The following MOB4 variants were observed in gnomAD, a reference collection of about 807,000 sequenced individuals.
MOB4 encodes MOB family member 4, phocein.
In MOB4, 4 loss-of-function variants were observed where a neutral mutation model predicts 32.2. That is an observed-to-expected ratio of 0.12 (90% CI 0.06 to 0.28). The LOEUF is 0.28. Ranked by LOEUF, MOB4 falls within the 10% of genes least tolerant of loss-of-function variation. The pLI, the probability that MOB4 is intolerant of heterozygous loss-of-function variation, is 1.00. For synonymous variants in MOB4, 88 were observed against 88.1 expected (o/e 1.00, Z 0.01); for missense variants, 158 against 271.2 (o/e 0.58, Z 2.93).
intron 1 of MOB4, among the ~76,000 whole-genome samples, chr2:197,519,877 C>G (rs1281277595): frequency 7.9e-5 from 12 of 152,094 alleles, no homozygotes; most frequent in African/African-American, 2.9e-4. Context: ...TAGAATTGCT[C>G]TTTAATAGAT....
intron 1 of MOB4, among the ~76,000 whole-genome samples, chr2:197,517,165 A>G (rs2086429674): frequency 6.6e-6 from 1 of 152,230 alleles, no homozygotes; most frequent in Non-Finnish European, 1.5e-5. Flanking sequence ...CCCCAGATTC[A>G]TGTTACAGAT....
At chr2:197,521,877 T>C (rs1291392468) in intron 1 of MOB4, among the ~76,000 whole-genome samples, 1 of 152,192 alleles carries the variant, frequency 6.6e-6, no homozygotes, top group East Asian at 1.9e-4. Flanking sequence ...CTCTACAGTT[T>C]GTGCAGTTAA....
At chr2:197,549,859 TAAAAAAA>T (rs573507195) in intron 6 of MOB4, among the ~76,000 whole-genome samples, 3 of 85,080 alleles carry the variant, frequency 3.5e-5, no homozygotes, top group Non-Finnish European at 4.9e-5. Context: ...CCTTAATTTC[TAAAAAAA>T]AAAAAAAAAA....
Position 197,551,925 on chromosome 2 carries a change from G to A in MOB4, c.*1279G>A, listed in dbSNP as rs2087104916. 1 of 152,326 alleles carries A rather than the reference G, an allele frequency of 6.6e-6. No homozygotes were observed. The highest frequency in any genetic ancestry group is 3.2e-3 in the Middle Eastern group (1 of 316). 9.4% of individuals were successfully genotyped at this position (152,326 alleles called of 1,614,324 possible). A position where few individuals can be genotyped will look rare whatever the true frequency, so the allele number is the denominator to read the frequency against. On this transcript the variant is annotated 3_prime_UTR_variant, in exon 8 of 8. Coordinates refer to ENST00000323303, the MANE Select transcript of MOB4 (RefSeq NM_015387.5). ...CAGTAAGGGTGAAAACATTGTACAT[G>A]TTGTGAAGAAAGTATTTAAATCCAA... is the stretch of plus-strand genomic sequence containing the variant.
intron 2 of MOB4, among the ~76,000 whole-genome samples, chr2:197,528,760 C>T (rs1259061730): frequency 1.2e-4 from 18 of 151,036 alleles, no homozygotes; most frequent in Non-Finnish European, 2.4e-4. Flanking sequence ...GGACTACAGG[C>T]GCCCGCCATC....
At chr2:197,519,876 T>C (rs1035055241) in intron 1 of MOB4, among the ~76,000 whole-genome samples, 3 of 152,242 alleles carry the variant, frequency 2.0e-5, no homozygotes, top group African/African-American at 7.2e-5. Flanking sequence ...TTAGAATTGC[T>C]CTTTAATAGA....
chr2:197,550,138 A>T, intron 6 of MOB4, 137 bp from the exon 7 acceptor site: 1 of 666,272 alleles, frequency 1.5e-6, no homozygotes, highest in Non-Finnish European at 2.3e-6. Flanking sequence ...CCAGGCATTT[A>T]CTCGCAGTGT....
At chr2:197,534,158 GA>G (rs1479904091) in intron 2 of MOB4, among the ~76,000 whole-genome samples, 1 of 151,760 alleles carries the variant, frequency 6.6e-6, no homozygotes, top group African/African-American at 2.4e-5. Context: ...CTTTTGTTTG[GA>G]AAAAAAAGTT....
At chr2:197,535,661 C>T in intron 3 of MOB4, 31 bp downstream of exon 3, 2 of 1,579,806 alleles carry the variant, frequency 1.3e-6, no homozygotes, top group African/African-American at 1.4e-5. Context: ...ACTAATAGTA[C>T]CTCTCACAAA....
intron 5 of MOB4, among the ~76,000 whole-genome samples, chr2:197,544,668 A>G (rs11678929): frequency 0.67 from 100,846 of 151,464 alleles, 33,870 homozygotes; most frequent in Middle Eastern, 0.85. Context: ...CAGGAGAATG[A>G]CGTGAACCCT....
At chr2:197,543,858 C>T (rs559036060) in intron 5 of MOB4, among the ~76,000 whole-genome samples, 1 of 152,100 alleles carries the variant, frequency 6.6e-6, no homozygotes, top group South Asian at 2.1e-4. Flanking sequence ...CCTGTCTCAG[C>T]TTCCCAAGTG....
chr2:197,548,752 T>C (rs2087042422), intron 6 of MOB4, among the ~76,000 whole-genome samples: 1 of 152,162 alleles, frequency 6.6e-6, no homozygotes. Flanking sequence ...AGGACTGTGG[T>C]TAAACAGCAG....
At chr2:197,516,228 G>T in intron 1 of MOB4, 82 bp downstream of exon 1, 2 of 1,529,496 alleles carry the variant, frequency 1.3e-6, no homozygotes, top group African/African-American at 2.8e-5. Context: ...CTGCGGGGAG[G>T]TTGGGCCGAG....
chr2:197,535,554 G>C lies in MOB4; in HGVS notation c.148G>C (p.Asp50His). 6.2e-7 allele frequency: 1 copy of C among 1,611,170 alleles called. No homozygotes were observed. The highest frequency in any genetic ancestry group is 8.5e-7 in the Non-Finnish European group (1 of 1,179,454). ...GTATATTCAACAGAACATAAGAGCA[G>C]ATTGCTCCAATATTGACAAAATTCT... is the stretch of plus-strand genomic sequence containing the variant. ...QQYIQQNIRA[D>H]CSNIDKILEP... The change falls in exon 3 of 8, where the codon GAT (aspartate) becomes CAT (histidine). Residue 50 changes from aspartate to histidine, a missense_variant. Physicochemically the swap from Asp to His is moderately conservative, Grantham distance 81. Around this residue, in one of 6 missense-constraint regions of MOB4, gnomAD observed 25 missense variants for 70.9 expected, o/e 0.35. Coordinates refer to ENST00000323303, the MANE Select transcript of MOB4 (RefSeq NM_015387.5).
At position 197,553,666 on chromosome 2, in the gene MOB4, A is replaced by G. The variant is rs1191714896; in HGVS notation, c.*3020A>G. ...TTTCTTTGTGTAGTTCTTCCATGCT[A>G]TGCGAATATTTTAGTAAAAGTAGTT... is the stretch of plus-strand genomic sequence containing the variant. On this transcript the variant is annotated 3_prime_UTR_variant, in exon 8 of 8. Transcript: ENST00000323303. 5 of 152,156 alleles carry G rather than the reference A, an allele frequency of 3.3e-5. No individual in the cohort carries two copies. In the East Asian group the frequency reaches 5.8e-4, roughly 18 times the overall value. 9.4% of individuals were successfully genotyped at this position (152,156 alleles called of 1,614,324 possible).
intron 3 of MOB4, among the ~76,000 whole-genome samples, chr2:197,537,598 G>C (rs75613055): frequency 6.6e-6 from 1 of 152,108 alleles, no homozygotes; most frequent in African/African-American, 2.4e-5. Context: ...TGTATCCTTT[G>C]CCAGTTTTTA....
intron 2 of MOB4, among the ~76,000 whole-genome samples, chr2:197,523,896 C>T (rs928283360): frequency 2.6e-5 from 4 of 152,176 alleles, no homozygotes; most frequent in African/African-American, 4.8e-5. Flanking sequence ...TATATCTTTT[C>T]GCATAGAGAA....
At chr2:197,526,062 C>G (rs2086606532) in intron 2 of MOB4, among the ~76,000 whole-genome samples, 1 of 152,142 alleles carries the variant, frequency 6.6e-6, no homozygotes, top group African/African-American at 2.4e-5. Context: ...GCTAGACCTT[C>G]CAGTACTACT....
intron 2 of MOB4, among the ~76,000 whole-genome samples, chr2:197,534,896 A>T (rs563349173): frequency 1.1e-4 from 16 of 152,228 alleles, no homozygotes; most frequent in African/African-American, 3.9e-4. Flanking sequence ...ATTAGCAGCC[A>T]TCTTCAGTCT....
Sources: allele counts gnomAD v4.1 joint callset (sites outside exome capture counted in the v4.1 genomes callset), GRCh38; gene constraint gnomAD v4.1.1; regional missense constraint gnomAD v4.1.1; transcripts MANE v1.5; gene names NCBI Gene and HGNC (gene_info 2026-07-23, HGNC 2026-07-21).